PCSK5: variants seen among roughly 807,000 people sequenced by gnomAD.
The protein encoded by PCSK5 is prohormone convertase 5.
PCSK5 carries 129 observed loss-of-function variants against 233.2 expected under a neutral mutation model. That is an observed-to-expected ratio of 0.55 (90% confidence interval 0.48 to 0.64). PCSK5 has a LOEUF of 0.64. PCSK5 is among the 30% of genes least tolerant of loss of function. The pLI is 0.00. For synonymous variants in PCSK5, 825 were observed against 879.2 expected (o/e 0.94, Z 1.09); for missense variants, 2,076 against 2,430.1 (o/e 0.85, Z 3.06).
Position 76,240,679 on chromosome 9 carries a change from G to C in PCSK5, c.3137G>C (p.Ser1046Thr). The C allele has an allele frequency of 6.3e-7, 1 of 1,577,504 alleles. No homozygotes were observed. The highest frequency in any genetic ancestry group is 8.6e-7 in the Non-Finnish European group (1 of 1,159,070). Residue 1046 changes from serine to threonine, a missense_variant, in exon 24 of 38, where the codon AGC (serine) becomes ACC (threonine). By Grantham distance (58) the Ser-to-Thr change is moderately conservative. Transcript: ENST00000674117. ...VPCEEGCLGC[S>T]LDDPGTCTSC... ...TGTGAAGAAGGATGTCTGGGATGCA[G>C]CTTGGGTATGTCCTCTTCCTTTGTC...
chr9:76,040,075 A>T lies in PCSK5; in HGVS notation c.632+13038A>T, dbSNP rs1829027346. On this transcript the variant is annotated intron_variant, in intron 5 of 37. Transcript: ENST00000674117. ...CATCACTTGTAAACATTCATGTCAG[A>T]TAGGTAGGGTAGATTTTTGTTTTTG... Among the ~76,000 whole-genome samples, 3 of 152,124 alleles carry T rather than the reference A, an allele frequency of 2.0e-5. 1 individual carries two copies. The South Asian group carries it at 6.2e-4, about 32-fold the overall frequency.
At chr9:76,281,039 C>T (rs1827847944) in intron 24 of PCSK5, among the ~76,000 whole-genome samples, 1 of 152,126 alleles carries the variant, frequency 6.6e-6, no homozygotes, top group African/African-American at 2.4e-5. Context: ...ATGTTGGAAG[C>T]TAGCAGAGGT....
Position 75,891,106 on chromosome 9 carries a change from C to A in PCSK5, c.-76C>A. The A allele has an allele frequency of 8.5e-7, 1 of 1,177,116 alleles. No individual in the cohort carries two copies. Among genetic ancestry groups the A allele is most frequent in the Non-Finnish European group, 1.1e-6 (1 of 900,470 alleles). The allele number at this position is 1,177,116 out of a possible 1,614,324, so 72.9% of individuals were successfully genotyped here. A position where few individuals can be genotyped will look rare whatever the true frequency, so the allele number is the denominator to read the frequency against. ...GGGGCTGCTCGCCGGGCGGCGCAGG[C>A]CGGAGAAGTTAGTTGTGCGCGCCCT... On this transcript the variant is annotated 5_prime_UTR_variant, in exon 1 of 38. Transcript: ENST00000674117.
intron 5 of PCSK5, among the ~76,000 whole-genome samples, chr9:76,038,507 T>C (rs1448380648): frequency 1.3e-5 from 2 of 152,168 alleles, no homozygotes; most frequent in African/African-American, 4.8e-5. Context: ...ACAAATCCCT[T>C]TAATGTTTTC....
intron 3 of PCSK5, among the ~76,000 whole-genome samples, chr9:75,998,766 C>G (rs1336538833): frequency 6.6e-6 from 1 of 152,130 alleles, no homozygotes; most frequent in African/African-American, 2.4e-5. Context: ...TCAATAATTA[C>G]CAACTCAAGG....
intron 32 of PCSK5, 78 bp downstream of exon 32, chr9:76,323,366 C>T (rs1829267772): frequency 2.5e-6 from 2 of 813,888 alleles, no homozygotes; most frequent in Admixed American, 5.3e-5. Context: ...GAGCTGTCAT[C>T]TCAATCTTTT....
chr9:76,291,779 C>A (rs1030244668), intron 24 of PCSK5, among the ~76,000 whole-genome samples: 1 of 152,126 alleles, frequency 6.6e-6, no homozygotes, highest in South Asian at 2.1e-4. Flanking sequence ...GTGCAGATTT[C>A]GAAGGAGTGC....
chr9:76,152,628 A>G, intron 10 of PCSK5, among the ~76,000 whole-genome samples: 1 of 152,200 alleles, frequency 6.6e-6, no homozygotes, highest in East Asian at 1.9e-4. Context: ...TAGTGTCATC[A>G]TGAAATATCC....
At chr9:75,903,365 T>G (rs963343457) in intron 1 of PCSK5, among the ~76,000 whole-genome samples, 53 of 151,908 alleles carry the variant, frequency 3.5e-4, no homozygotes, top group African/African-American at 1.3e-3. Context: ...TATTTAAGTT[T>G]CTATTTTAAT....
At chr9:76,194,603 G>GTT (rs201037106) in intron 20 of PCSK5, 1,136 of 284,978 alleles carry the variant, frequency 4.0e-3, no homozygotes, top group East Asian at 6.8e-3. Flanking sequence ...GTTTTTTGGG[G>GTT]TTTTTTTTTT....
chr9:76,040,260 A>C (rs1378406548), intron 5 of PCSK5, among the ~76,000 whole-genome samples: 4 of 152,074 alleles, frequency 2.6e-5, no homozygotes, highest in Admixed American at 1.3e-4. Flanking sequence ...GATTGTAAAA[A>C]TCAATTGCAC....
chr9:76,225,794 T>A (rs1825871021), intron 20 of PCSK5, among the ~76,000 whole-genome samples: 1 of 152,218 alleles, frequency 6.6e-6, no homozygotes, highest in Non-Finnish European at 1.5e-5. Context: ...ACCAGTCCAG[T>A]CAACACCTTT....
At chr9:76,328,707 T>G (rs546657871) in intron 33 of PCSK5, among the ~76,000 whole-genome samples, 2 of 152,336 alleles carry the variant, frequency 1.3e-5, no homozygotes, top group East Asian at 3.9e-4. Context: ...AAATTGTACA[T>G]TCATACAATA....
At chr9:76,298,805 A>C (rs1828521483) in intron 27 of PCSK5, among the ~76,000 whole-genome samples, 1 of 152,166 alleles carries the variant, frequency 6.6e-6, no homozygotes, top group African/African-American at 2.4e-5. Flanking sequence ...TTTTGAGAGG[A>C]TATAGCTGCC....
intron 1 of PCSK5, among the ~76,000 whole-genome samples, chr9:75,928,863 A>G (rs1316028061): frequency 6.6e-6 from 1 of 151,830 alleles, no homozygotes; most frequent in African/African-American, 2.4e-5. Flanking sequence ...TTTGATACTC[A>G]TACTAGAGAT....
rs755507819 is a variant in PCSK5, at chr9:76,360,702, T to A, written c.*1780T>A. Reference sequence around the variant, plus strand: ...AGCTAGTAAGTACATTAGGCTTTCTTGGCCAGAAAGTCTCTGTCATAACCA... The same window carrying A: ...AGCTAGTAAGTACATTAGGCTTTCTAGGCCAGAAAGTCTCTGTCATAACCA... On this transcript the variant is annotated 3_prime_UTR_variant, in exon 38 of 38. Coordinates refer to ENST00000674117, the MANE Select transcript of PCSK5 (RefSeq NM_001372043.1). 6.6e-6 allele frequency: 1 copy of A among 152,220 alleles called. No homozygotes were observed. The highest frequency in any genetic ancestry group is 1.5e-5 in the Non-Finnish European group (1 of 68,038). The allele number at this position is 152,220 out of a possible 1,614,324, so 9.4% of individuals were successfully genotyped here. A position where few individuals can be genotyped will look rare whatever the true frequency, so the allele number is the denominator to read the frequency against.
At chr9:76,119,681 A>G (rs1243887972) in intron 9 of PCSK5, among the ~76,000 whole-genome samples, 1 of 151,972 alleles carries the variant, frequency 6.6e-6, no homozygotes, top group Non-Finnish European at 1.5e-5. Context: ...TAGTATGTGT[A>G]TATATTTATG....
At position 76,175,070 on chromosome 9, in the gene PCSK5, G is replaced by A. The variant is rs370904288; in HGVS notation, c.1841G>A (p.Arg614Gln). ...SPTNEFPKVE[R>Q]FRYSRVEDPT... ...ACCAATGAATTTCCGAAAGTGGAACGGTTCCGCTATAGCCGAGTTGAAGAC... is the reference window on the plus strand; with the variant it reads ...ACCAATGAATTTCCGAAAGTGGAACAGTTCCGCTATAGCCGAGTTGAAGAC... Residue 614 changes from arginine to glutamine, a missense_variant, in exon 14 of 38, where the codon CGG becomes CAG. By Grantham distance (43) the Arg-to-Gln change is conservative. Coordinates refer to ENST00000674117, the MANE Select transcript of PCSK5 (RefSeq NM_001372043.1). 82 of 1,614,122 alleles carry A rather than the reference G, an allele frequency of 5.1e-5. No individual in the cohort carries two copies. The highest frequency in any genetic ancestry group is 1.6e-4 in the East Asian group (7 of 44,882).
chr9:76,126,506 A>G (rs1832859700), intron 9 of PCSK5, among the ~76,000 whole-genome samples: 1 of 152,112 alleles, frequency 6.6e-6, no homozygotes, highest in East Asian at 1.9e-4. Context: ...CCAGCCACTC[A>G]GGAGGCTGAG....
Sources: gnomAD v4.1 joint callset for allele counts (sites outside exome capture counted in the v4.1 genomes callset) on GRCh38, gnomAD v4.1.1 for gene constraint, MANE v1.5 for transcripts, NCBI Gene and HGNC (gene_info 2026-07-23, HGNC 2026-07-21) for gene names.